Variants in LARS2 observed in about 807,000 individuals in gnomAD.
The protein encoded by LARS2 is leucine--tRNA ligase, mitochondrial.
In LARS2, 81 loss-of-function variants were observed where a neutral mutation model predicts 116.6. That is an observed-to-expected ratio of 0.69 (90% CI 0.58 to 0.84). The LOEUF (loss-of-function observed/expected upper bound fraction) is 0.84. LARS2 is among the 40% of genes least tolerant of loss of function. The probability of loss-of-function intolerance (pLI) is 0.00; values close to 1 mark genes in which losing one functional copy is unlikely to be tolerated. For synonymous variants in LARS2, 396 were observed against 407.2 expected (o/e 0.97, Z 0.33); for missense variants, 968 against 1,114.5 (o/e 0.87, Z 1.87).
rs1700366870 is a variant in LARS2 at position 45,516,170 on chromosome 3, C to CG, written c.1942dup (p.Val648GlyfsTer26). 2 of 1,613,978 alleles carry CG rather than the reference C, an allele frequency of 1.2e-6. No individual in the cohort carries two copies. The highest frequency in any genetic ancestry group is 2.2e-5 in the South Asian group (2 of 91,086). The stretch of plus-strand genomic sequence containing the variant: ...AGAAGATGAGTAAGTCCAAACACAA[C>CG]GGGGTGGACCCAGAGGAAGTTGTGG... On this transcript the variant is annotated frameshift_variant, in exon 17 of 22. Coordinates refer to ENST00000645846, the MANE Select transcript of LARS2 (RefSeq NM_015340.4). LOFTEE classifies it high-confidence loss of function.
chr3:45,394,290 C>T, intron 2 of LARS2, 143 bp from the exon 3 acceptor site: 1 of 594,638 alleles, frequency 1.7e-6, no homozygotes, highest in Non-Finnish European at 3.0e-6. Context: ...AATTGAATTG[C>T]TAAAGTATTC....
At chr3:45,523,936 C>G in intron 19 of LARS2, 61 bp from the exon 20 acceptor site, 2 of 1,241,390 alleles carry the variant, frequency 1.6e-6, no homozygotes, top group East Asian at 2.3e-5. Flanking sequence ...CATTAATGGT[C>G]TTTCTTACCC....
At chr3:45,430,742 G>A (rs549492521) in intron 6 of LARS2, among the ~76,000 whole-genome samples, 5 of 144,536 alleles carry the variant, frequency 3.5e-5, no homozygotes, top group East Asian at 2.1e-4. Flanking sequence ...CCGCCACCAC[G>A]CCGGACTAAT....
At chr3:45,493,070 T>A (rs1699950859) in intron 13 of LARS2, among the ~76,000 whole-genome samples, 1 of 151,938 alleles carries the variant, frequency 6.6e-6, no homozygotes, top group Non-Finnish European at 1.5e-5. Context: ...GGGCAGAACC[T>A]AGGCCTTGGT....
At chr3:45,394,923 G>A (rs548701154) in intron 3 of LARS2, among the ~76,000 whole-genome samples, 2 of 152,324 alleles carry the variant, frequency 1.3e-5, no homozygotes, top group Admixed American at 6.5e-5. Context: ...TACAAAGGTA[G>A]TGTTTACAAG....
chr3:45,418,156 G>C (rs1698460433), intron 5 of LARS2, among the ~76,000 whole-genome samples: 1 of 152,176 alleles, frequency 6.6e-6, no homozygotes, highest in South Asian at 2.1e-4. Flanking sequence ...CTAAAGTCCT[G>C]AGGGCCTCAC....
intron 7 of LARS2, among the ~76,000 whole-genome samples, chr3:45,453,802 T>C (rs1048510758): frequency 5.9e-5 from 9 of 152,154 alleles, no homozygotes; most frequent in Non-Finnish European, 5.9e-5. Flanking sequence ...ATATATATTT[T>C]ACTAGCCTTC....
intron 1 of LARS2, chr3:45,388,904 A>G (rs1697891293): frequency 6.6e-6 from 1 of 152,156 alleles, no homozygotes; most frequent in Admixed American, 6.6e-5. Flanking sequence ...TCCCAGAAAA[A>G]TGCACATATA....
At position 45,417,430 on chromosome 3, in the gene LARS2, A is replaced by G. The variant is rs934505649; in HGVS notation, c.364-52A>G. On this transcript the variant is annotated intron_variant, in intron 4 of 21. Transcript: ENST00000645846. ...TGAGTTTGCCCCAGAAGACAATACC[A>G]ATGGAGTTATTAATGATTTGCCATG... 4 of 1,328,766 alleles carry G rather than the reference A, an allele frequency of 3.0e-6. No homozygotes were observed. In the East Asian group the frequency reaches 9.2e-5, roughly 31 times the overall value. 82.3% of individuals were successfully genotyped at this position (1,328,766 alleles called of 1,614,324 possible).
chr3:45,467,754 A>C (rs549238730), intron 8 of LARS2, among the ~76,000 whole-genome samples: 12 of 152,184 alleles, frequency 7.9e-5, no homozygotes, highest in Non-Finnish European at 1.8e-4. Flanking sequence ...TATTTTGACC[A>C]ATTGTGGGTA....
chr3:45,409,990 A>G (rs548772673), intron 4 of LARS2, among the ~76,000 whole-genome samples: 2 of 152,356 alleles, frequency 1.3e-5, no homozygotes, highest in South Asian at 2.1e-4. Context: ...ATAGAAATGA[A>G]TAAGTGTATT....
chr3:45,442,909 C>T (rs559497468), intron 6 of LARS2, among the ~76,000 whole-genome samples: 1 of 152,318 alleles, frequency 6.6e-6, no homozygotes, highest in East Asian at 1.9e-4. Flanking sequence ...ATCGGGGTTT[C>T]TCCACCTTGG....
chr3:45,400,564 TG>T (rs1360771554), intron 4 of LARS2, among the ~76,000 whole-genome samples, 191 bp downstream of exon 4: 1 of 152,150 alleles, frequency 6.6e-6, no homozygotes, highest in Non-Finnish European at 1.5e-5. Context: ...CTAGGTTAAT[TG>T]GGGGGCAGCC....
rs142452192 is a variant in LARS2 at position 45,511,373 on chromosome 3, A to G, written c.1761-1762A>G. Among the ~76,000 whole-genome samples the G allele has an allele frequency of 2.8e-3, 433 of 152,318 alleles. 7 individuals are homozygous for G. Among genetic ancestry groups the G allele is most frequent in the African/African-American group, 9.9e-3 (410 of 41,578 alleles). ...CTACAAGCGGGTTAGAAACAGGCAG[A>G]TGAAATAATAGTGTTAGCAGTCAGG... On this transcript the variant is annotated intron_variant, in intron 15 of 21. Transcript: ENST00000645846.
chr3:45,463,052 G>A lies in LARS2; in HGVS notation c.750+4166G>A, dbSNP rs532422600. 2.6e-5 allele frequency among the ~76,000 whole-genome samples: 4 copies of A among 152,272 alleles called. No individual in the cohort carries two copies. The South Asian group carries it at 8.3e-4, about 32-fold the overall frequency. On this transcript the variant is annotated intron_variant, in intron 8 of 21. Coordinates refer to ENST00000645846, the MANE Select transcript of LARS2 (RefSeq NM_015340.4). Reference sequence around the variant, plus strand: ...TTAGTCTTGGCAGAGCTGTGTGGGCGGTGTCTTGTGGGCAGCACTGCTGAG... The same window carrying A: ...TTAGTCTTGGCAGAGCTGTGTGGGCAGTGTCTTGTGGGCAGCACTGCTGAG...
chr3:45,402,514 A>G (rs77208794), intron 4 of LARS2, among the ~76,000 whole-genome samples: 3,093 of 152,322 alleles, frequency 0.02, 73 homozygotes, highest in Admixed American at 0.056. Context: ...GGGCCTATAC[A>G]AATGATATCT....
At chr3:45,477,347 T>C (rs1378768820) in intron 10 of LARS2, among the ~76,000 whole-genome samples, 1 of 152,122 alleles carries the variant, frequency 6.6e-6, no homozygotes, top group African/African-American at 2.4e-5. Context: ...CCCCAAGAGT[T>C]TGGAGAACAG....
intron 8 of LARS2, 95 bp from the exon 9 acceptor site, chr3:45,474,148 C>T: frequency 1.4e-6 from 1 of 694,828 alleles, no homozygotes; most frequent in South Asian, 2.0e-5. Context: ...TCTTTAGTGT[C>T]CCTGCTTTTC....
intron 19 of LARS2, among the ~76,000 whole-genome samples, chr3:45,520,666 G>A (rs1559496048): frequency 6.6e-6 from 1 of 152,118 alleles, no homozygotes; most frequent in Admixed American, 6.5e-5. Flanking sequence ...ATACCTCCTC[G>A]GCATCATTAC....
Sources: gnomAD v4.1 joint callset for allele counts (sites outside exome capture counted in the v4.1 genomes callset) on GRCh38, gnomAD v4.1.1 for gene constraint, MANE v1.5 for transcripts, NCBI Gene and HGNC (gene_info 2026-07-23, HGNC 2026-07-21) for gene names.